The following WDR41 variants were observed in gnomAD, a reference collection of about 807,000 sequenced individuals.
WDR41 encodes WD repeat domain 41.
Under a neutral mutation model 69.3 loss-of-function variants are expected in WDR41, and 63 were observed. That is an observed-to-expected ratio of 0.91 (90% confidence interval 0.74 to 1.12). WDR41 has a LOEUF of 1.12. Among genes scored for constraint, WDR41 ranks in the 50% most tolerant of loss-of-function variants. The pLI is 0.00. For missense variants in WDR41, 543 were observed against 534.5 expected (o/e 1.02, Z -0.16); for synonymous variants, 185 against 192.1 (o/e 0.96, Z 0.31).
At chr5:77,500,680 T>C (rs963308015) in intron 1 of WDR41, among the ~76,000 whole-genome samples, 22 of 152,164 alleles carry the variant, frequency 1.4e-4, no homozygotes, top group African/African-American at 4.6e-4. Context: ...ATTGAATTCA[T>C]AGTTTAAAAT....
intron 1 of WDR41, among the ~76,000 whole-genome samples, chr5:77,588,607 AC>A (rs1744081364): frequency 6.6e-6 from 1 of 152,194 alleles, no homozygotes; most frequent in African/African-American, 2.4e-5. Context: ...ACTTCATCTC[AC>A]TGACCTATAT....
chr5:77,540,873 G>A (rs1743076280), intron 1 of WDR41, among the ~76,000 whole-genome samples: 1 of 152,162 alleles, frequency 6.6e-6, no homozygotes, highest in Non-Finnish European at 1.5e-5. Flanking sequence ...GTGATATTTT[G>A]ATGACTAAAA....
chr5:77,606,621 A>T (rs1744425024), intron 1 of WDR41, among the ~76,000 whole-genome samples: 1 of 151,938 alleles, frequency 6.6e-6, no homozygotes, highest in African/African-American at 2.4e-5. Flanking sequence ...TGAGCAACAC[A>T]GTAAGACCCT....
At chr5:77,440,723 T>C (rs1263166229) in intron 9 of WDR41, 90 bp downstream of exon 9, 1 of 1,277,868 alleles carries the variant, frequency 7.8e-7, no homozygotes, top group Non-Finnish European at 1.1e-6. Flanking sequence ...GATACCTTTT[T>C]TATGTCCAAC....
At chr5:77,492,408 C>T (rs1468819151), upstream of WDR41, 3 of 670,664 alleles carry the variant, frequency 4.5e-6, no homozygotes, top group East Asian at 3.3e-5. Context: ...AAAGCGCTCC[C>T]GTACCCAGCC....
intron 1 of WDR41, among the ~76,000 whole-genome samples, chr5:77,498,131 A>C (rs1801962205): frequency 6.6e-6 from 1 of 152,218 alleles, no homozygotes; most frequent in South Asian, 2.1e-4. Context: ...TACAGAGTTT[A>C]TGTTGAGACC....
At chr5:77,508,576 A>G (rs1450702916) in intron 1 of WDR41, among the ~76,000 whole-genome samples, 1 of 152,092 alleles carries the variant, frequency 6.6e-6, no homozygotes, top group African/African-American at 2.4e-5. Context: ...GGACCCTCTC[A>G]CTGGCAGTTC....
chr5:77,484,982 A>G (rs907645844), intron 2 of WDR41, among the ~76,000 whole-genome samples: 1 of 152,224 alleles, frequency 6.6e-6, no homozygotes, highest in African/African-American at 2.4e-5. Context: ...GCAAATAACT[A>G]AGCAAGGCAA....
At chr5:77,483,060 C>G (rs567802197) in intron 2 of WDR41, among the ~76,000 whole-genome samples, 1 of 152,284 alleles carries the variant, frequency 6.6e-6, no homozygotes, top group South Asian at 2.1e-4. Flanking sequence ...TTTGCCACCC[C>G]AAGAAACTCA....
intron 1 of WDR41, among the ~76,000 whole-genome samples, chr5:77,614,262 G>C (rs1251126543): frequency 1.2e-4 from 18 of 150,840 alleles, no homozygotes; most frequent in African/African-American, 3.9e-4. Context: ...TCTAGAACTA[G>C]AAATACCATT....
intron 1 of WDR41, chr5:77,546,015 C>T (rs987691647): frequency 2.0e-6 from 1 of 505,806 alleles, no homozygotes; most frequent in Non-Finnish European, 3.4e-6. Context: ...GCCCCTGTGC[C>T]CAAGAAGCTG....
At chr5:77,554,273 T>C (rs963018569) in intron 1 of WDR41, among the ~76,000 whole-genome samples, 3 of 152,112 alleles carry the variant, frequency 2.0e-5, no homozygotes, top group Non-Finnish European at 4.4e-5. Flanking sequence ...ATGGTAGAGA[T>C]TGGTGAGGGG....
At chr5:77,546,082 C>T in intron 1 of WDR41, 1 of 546,004 alleles carries the variant, frequency 1.8e-6, no homozygotes, top group Non-Finnish European at 3.1e-6. Flanking sequence ...GCACTGCCAC[C>T]CTGGGCAACT....
intron 1 of WDR41, among the ~76,000 whole-genome samples, chr5:77,573,794 C>T (rs1365385514): frequency 6.6e-6 from 1 of 152,308 alleles, no homozygotes; most frequent in East Asian, 1.9e-4. Context: ...CCACCCCTTT[C>T]CAATACCTCT....
intron 1 of WDR41, among the ~76,000 whole-genome samples, chr5:77,588,456 G>A (rs1391836740): frequency 6.6e-6 from 1 of 152,028 alleles, no homozygotes; most frequent in African/African-American, 2.4e-5. Flanking sequence ...GATTTTTTGT[G>A]TGTAACATAA....
At chr5:77,504,125 G>GCA (rs1561208718) in intron 1 of WDR41, among the ~76,000 whole-genome samples, 1 of 150,872 alleles carries the variant, frequency 6.6e-6, no homozygotes, top group Non-Finnish European at 1.5e-5. Context: ...TTGATAGACT[G>GCA]CTAGCAAGAC....
chr5:77,598,852 C>T (rs1744272417), intron 1 of WDR41, among the ~76,000 whole-genome samples: 1 of 151,974 alleles, frequency 6.6e-6, no homozygotes, highest in South Asian at 2.1e-4. Context: ...TTCCTATGGC[C>T]TTAAGGAAGC....
chr5:77,506,440 G>A (rs1466065129), intron 1 of WDR41, among the ~76,000 whole-genome samples: 1 of 152,190 alleles, frequency 6.6e-6, no homozygotes, highest in Admixed American at 6.5e-5. Flanking sequence ...CTGTTGGTGG[G>A]AGTGTAAATT....
chr5:77,546,005 G>T, intron 1 of WDR41: 1 of 492,574 alleles, frequency 2.0e-6, no homozygotes, highest in Non-Finnish European at 3.5e-6. Flanking sequence ...CATCATCTCG[G>T]CCCCTGTGCC....
Sources: allele counts gnomAD v4.1 joint callset (sites outside exome capture counted in the v4.1 genomes callset), GRCh38; gene constraint gnomAD v4.1.1; transcripts MANE v1.5; gene names NCBI Gene and HGNC (gene_info 2026-07-23, HGNC 2026-07-21).